Variants in CACNA1E observed in about 807,000 individuals in gnomAD.
CACNA1E encodes calcium voltage-gated channel subunit alpha1 E, also known as voltage-dependent R-type calcium channel subunit alpha-1E.
In CACNA1E, 40 loss-of-function variants were observed where a neutral mutation model predicts 259.2. The ratio of observed to expected loss-of-function variants is 0.15; its 90% confidence interval spans 0.12 to 0.20. The LOEUF (loss-of-function observed/expected upper bound fraction) is 0.20. Among genes scored for constraint, CACNA1E ranks in the 10% least tolerant of loss-of-function variants. The probability of loss-of-function intolerance (pLI) is 1.00; values close to 1 mark genes in which losing one functional copy is unlikely to be tolerated. For missense variants in CACNA1E, 1,874 were observed against 3,040.1 expected, an observed-to-expected ratio of 0.62 and a Z score of 9.02; for synonymous variants, 1,104 against 1,138.5, an observed-to-expected ratio of 0.97 and a Z score of 0.61.
At chr1:181,356,711 C>A (rs989239780) in intron 1 of CACNA1E, among the ~76,000 whole-genome samples, 1 of 152,222 alleles carries the variant, frequency 6.6e-6, no homozygotes. Flanking sequence ...GCGGTGGAGG[C>A]TGTTCCAGGC....
intron 1 of CACNA1E, among the ~76,000 whole-genome samples, chr1:181,487,387 T>C (rs993567476): frequency 2.6e-5 from 4 of 152,156 alleles, no homozygotes; most frequent in African/African-American, 7.2e-5. Flanking sequence ...CTAGTTCTTA[T>C]GGGAAGAAAT....
At chr1:181,610,777 C>G (rs919110161) in intron 6 of CACNA1E, among the ~76,000 whole-genome samples, 12 of 152,160 alleles carry the variant, frequency 7.9e-5, no homozygotes, top group African/African-American at 2.7e-4. Flanking sequence ...AGGACCAGCT[C>G]AGCCCCATGC....
At chr1:181,622,390 C>T (rs1293486788) in intron 6 of CACNA1E, among the ~76,000 whole-genome samples, 1 of 152,174 alleles carries the variant, frequency 6.6e-6, no homozygotes, top group Non-Finnish European at 1.5e-5. Flanking sequence ...CATAACAAAA[C>T]ACCACAGACT....
At chr1:181,332,801 A>G (rs746674610) in intron 1 of CACNA1E, among the ~76,000 whole-genome samples, 2 of 152,200 alleles carry the variant, frequency 1.3e-5, no homozygotes, top group African/African-American at 4.8e-5. Context: ...AAAGCTATGG[A>G]CTCAAACTGA....
intron 1 of CACNA1E, among the ~76,000 whole-genome samples, chr1:181,495,146 A>ATATT (rs1358493400): frequency 6.6e-6 from 1 of 152,214 alleles, no homozygotes; most frequent in Non-Finnish European, 1.5e-5. Flanking sequence ...TTAGACAATA[A>ATATT]AAGTGTTGTG....
At chr1:181,654,982 C>CAAAAAAAAAA (rs1208750325) in intron 7 of CACNA1E, among the ~76,000 whole-genome samples, 12 of 53,368 alleles carry the variant, frequency 2.2e-4, no homozygotes, top group Non-Finnish European at 4.4e-4. Context: ...GACTCCATCT[C>CAAAAAAAAAA]AAAAAAAAAA....
At chr1:181,432,777 T>C (rs1319341043) in intron 2 of CACNA1E, among the ~76,000 whole-genome samples, 1 of 152,178 alleles carries the variant, frequency 6.6e-6, no homozygotes, top group East Asian at 1.9e-4. Flanking sequence ...TTATCATCTG[T>C]AAAATGAAAG....
At chr1:181,780,978 G>A (rs1028338755) in intron 38 of CACNA1E, among the ~76,000 whole-genome samples, 19 of 152,138 alleles carry the variant, frequency 1.2e-4, no homozygotes, top group Admixed American at 1.0e-3. Flanking sequence ...CTGGAGCACC[G>A]TCTATCCGGT....
At chr1:181,792,373 C>T (rs1359894277) in intron 44 of CACNA1E, among the ~76,000 whole-genome samples, 1 of 152,208 alleles carries the variant, frequency 6.6e-6, no homozygotes, top group Non-Finnish European at 1.5e-5. Flanking sequence ...TGTACTTCTG[C>T]CCATCCCTCG....
In CACNA1E at chr1:181,601,842, A is replaced by G. The variant is rs79349705; in HGVS notation, c.951+21066A>G. On this transcript the variant is annotated intron_variant, in intron 6 of 47. Coordinates refer to ENST00000367573, the MANE Select transcript of CACNA1E (RefSeq NM_001205293.3). ...CTGAGTAAAAGCCAGAGCCCTTGCA[A>G]GGGTCTACAGGGCCCTCCATGATCT... 7.9e-5 allele frequency among the ~76,000 whole-genome samples: 12 copies of G among 152,256 alleles called. No homozygotes were observed. In the East Asian group the frequency reaches 2.3e-3, roughly 29 times the overall value.
chr1:181,554,170 C>T (rs1648482900), intron 3 of CACNA1E, among the ~76,000 whole-genome samples: 1 of 152,096 alleles, frequency 6.6e-6, no homozygotes, highest in African/African-American at 2.4e-5. Flanking sequence ...CTATGCCCAG[C>T]TAATTTTTTT....
chr1:181,496,450 G>A (rs543970063), intron 1 of CACNA1E, among the ~76,000 whole-genome samples: 16 of 152,342 alleles, frequency 1.1e-4, no homozygotes, highest in African/African-American at 3.8e-4. Flanking sequence ...TTTTCTTCCT[G>A]GGGGTTGCCA....
At chr1:181,699,268 A>G in intron 7 of CACNA1E, among the ~76,000 whole-genome samples, 1 of 152,346 alleles carries the variant, frequency 6.6e-6, no homozygotes, top group East Asian at 1.9e-4. Context: ...ATGGCAGAAG[A>G]GATCCTTTTA....
At chr1:181,547,901 A>G (rs1171514132) in intron 3 of CACNA1E, among the ~76,000 whole-genome samples, 1 of 152,204 alleles carries the variant, frequency 6.6e-6, no homozygotes, top group East Asian at 1.9e-4. Flanking sequence ...AGCCCACAGC[A>G]TCTCCTGAAG....
chr1:181,489,458 C>G (rs1664129697), intron 1 of CACNA1E, among the ~76,000 whole-genome samples: 1 of 152,196 alleles, frequency 6.6e-6, no homozygotes, highest in Non-Finnish European at 1.5e-5. Flanking sequence ...TACTTTTTCT[C>G]TAAGACCTTT....
At position 181,798,915 on chromosome 1, in the gene CACNA1E, G is replaced by A. The variant is rs548572121; in HGVS notation, c.*81G>A. ...GAATTGGGAAGCCAGTGCGGCCCGG[G>A]GGGGAGGAAGAGGGAAAAGGAAGAT... On this transcript the variant is annotated 3_prime_UTR_variant, in exon 48 of 48. Coordinates refer to ENST00000367573, the MANE Select transcript of CACNA1E (RefSeq NM_001205293.3). The surrounding 1 kb of genome is among the most constrained non-coding windows in gnomAD (Gnocchi z 4.2). 42 of 1,293,798 alleles carry A rather than the reference G, an allele frequency of 3.2e-5. No individual in the cohort carries two copies. The highest frequency in any genetic ancestry group is 1.0e-4 in the East Asian group (4 of 39,810). The allele number at this position is 1,293,798 out of a possible 1,614,324, so 80.1% of individuals were successfully genotyped here. A position where few individuals can be genotyped will look rare whatever the true frequency, so the allele number is the denominator to read the frequency against.
At chr1:181,670,051 A>T (rs1362820947) in intron 7 of CACNA1E, among the ~76,000 whole-genome samples, 2 of 152,190 alleles carry the variant, frequency 1.3e-5, no homozygotes, top group East Asian at 3.8e-4. Context: ...GATTAGAAAA[A>T]AATATGTTTT....
intron 16 of CACNA1E, among the ~76,000 whole-genome samples, chr1:181,723,628 G>A (rs1413449294): frequency 6.6e-6 from 1 of 152,112 alleles, no homozygotes; most frequent in Non-Finnish European, 1.5e-5. Flanking sequence ...TTACGATGAC[G>A]ATTGCATGCC....
At chr1:181,470,405 T>A (rs1662429466) in intron 2 of CACNA1E, among the ~76,000 whole-genome samples, 1 of 152,094 alleles carries the variant, frequency 6.6e-6, no homozygotes, top group Admixed American at 6.6e-5. Context: ...ATGTTCTCTA[T>A]GTTCTCTATT....
Sources: allele counts gnomAD v4.1 joint callset (sites outside exome capture counted in the v4.1 genomes callset), GRCh38; gene constraint gnomAD v4.1.1; non-coding constraint Gnocchi (gnomAD v3.1); transcripts MANE v1.5; gene names NCBI Gene and HGNC (gene_info 2026-07-23, HGNC 2026-07-21).